THSD4: variants seen among roughly 807,000 people sequenced by gnomAD.
THSD4 encodes the protein thrombospondin type-1 domain-containing protein 4.
A neutral mutation model predicts 119.0 loss-of-function variants in THSD4; 69 were observed. The ratio of observed to expected loss-of-function variants is 0.58; its 90% CI spans 0.48 to 0.71. THSD4 has a LOEUF of 0.71. Among genes scored for constraint, THSD4 ranks in the 30% least tolerant of loss-of-function variants. The pLI, the probability that THSD4 is intolerant of heterozygous loss-of-function variation, is 0.00. For missense variants in THSD4, 1,393 were observed against 1,391.1 expected (o/e 1.00, Z -0.02); for synonymous variants, 524 against 540.4 (o/e 0.97, Z 0.42).
intron 7 of THSD4, among the ~76,000 whole-genome samples, chr15:71,490,349 A>T (rs2047896218): frequency 6.6e-6 from 1 of 152,120 alleles, no homozygotes; most frequent in African/African-American, 2.4e-5. Flanking sequence ...TCACAAGGTC[A>T]GGAGATCGAG....
intron 10 of THSD4, among the ~76,000 whole-genome samples, chr15:71,736,504 GCT>G (rs1032929175): frequency 7.2e-6 from 1 of 138,174 alleles, no homozygotes; most frequent in East Asian, 2.3e-4. Flanking sequence ...TCTCTGTCTT[GCT>G]CTCTCTATCT....
chr15:71,189,413 GT>G (rs773790845), intron 3 of THSD4, among the ~76,000 whole-genome samples: 5 of 152,222 alleles, frequency 3.3e-5, no homozygotes, highest in Non-Finnish European at 7.3e-5. Context: ...GCTCACGCCT[GT>G]AATCCCAGCA....
At chr15:71,429,943 A>G (rs920553) in intron 7 of THSD4, among the ~76,000 whole-genome samples, 38,185 of 152,158 alleles carry the variant, frequency 0.25, 5,747 homozygotes, top group East Asian at 0.44. Context: ...TTATGGAAAC[A>G]GATGAAAAAC....
At chr15:71,097,180 A>G (rs1345319744) in intron 1 of THSD4, among the ~76,000 whole-genome samples, 1 of 152,244 alleles carries the variant, frequency 6.6e-6, no homozygotes, top group African/African-American at 2.4e-5. Context: ...GGGAAAAGTT[A>G]TTGAAACTAT....
At chr15:71,247,927 A>G (rs1046063577) in intron 5 of THSD4, among the ~76,000 whole-genome samples, 6 of 152,214 alleles carry the variant, frequency 3.9e-5, no homozygotes, top group African/African-American at 1.4e-4. Context: ...TCAAACCTCA[A>G]TTCCTCTGGT....
intron 4 of THSD4, among the ~76,000 whole-genome samples, chr15:71,239,298 A>G (rs2140271583): frequency 6.6e-6 from 1 of 152,296 alleles, no homozygotes; most frequent in African/African-American, 2.4e-5. Context: ...TCAGGTTCCT[A>G]CCAGCACTTC....
intron 6 of THSD4, among the ~76,000 whole-genome samples, chr15:71,336,438 A>G: frequency 6.6e-6 from 1 of 152,268 alleles, no homozygotes; most frequent in East Asian, 1.9e-4. Context: ...TTTATACTTT[A>G]TCATTTTAAC....
At chr15:71,203,273 G>A (rs1259927250) in intron 3 of THSD4, among the ~76,000 whole-genome samples, 1 of 152,116 alleles carries the variant, frequency 6.6e-6, no homozygotes, top group Non-Finnish European at 1.5e-5. Context: ...ATGGCAAAGA[G>A]TAATTTTGGA....
intron 7 of THSD4, chr15:71,547,289 G>C: frequency 1.3e-6 from 2 of 1,491,704 alleles, no homozygotes; most frequent in South Asian, 1.4e-5. Context: ...AGAGCCGAGG[G>C]AACCAGCGCG....
At chr15:71,258,938 C>T (rs1002427771) in intron 6 of THSD4, among the ~76,000 whole-genome samples, 1 of 151,738 alleles carries the variant, frequency 6.6e-6, no homozygotes, top group Admixed American at 6.6e-5. Context: ...ACATGGAGAA[C>T]CCCGTCTCTG....
At chr15:71,704,899 C>A (rs912803910) in intron 8 of THSD4, among the ~76,000 whole-genome samples, 7 of 152,164 alleles carry the variant, frequency 4.6e-5, no homozygotes, top group African/African-American at 1.7e-4. Context: ...CATAGTGATA[C>A]CATCTTCACG....
In THSD4 at chr15:71,712,646, A is replaced by G. The variant is rs1435191916; in HGVS notation, c.1358-15903A>G. 2.6e-5 allele frequency among the ~76,000 whole-genome samples: 4 copies of G among 152,248 alleles called. No individual in the cohort carries two copies. The South Asian group carries it at 8.3e-4, about 31-fold the overall frequency. The stretch of plus-strand genomic sequence containing the variant: ...TTCTTTGAAAATATCAATACAATTG[A>G]TAAGCCTCTATTCACAGCCCTTTAC... On this transcript the variant is annotated intron_variant, in intron 8 of 17. Coordinates refer to ENST00000261862, the MANE Select transcript of THSD4 (RefSeq NM_024817.3).
At chr15:71,352,243 C>T (rs1281195270) in intron 6 of THSD4, among the ~76,000 whole-genome samples, 1 of 152,194 alleles carries the variant, frequency 6.6e-6, no homozygotes, top group Non-Finnish European at 1.5e-5. Flanking sequence ...AGGACCGTCA[C>T]TTCTGGTGTC....
chr15:71,289,743 T>TG (rs2044766296), intron 6 of THSD4, among the ~76,000 whole-genome samples: 1 of 152,214 alleles, frequency 6.6e-6, no homozygotes, highest in African/African-American at 2.4e-5. Flanking sequence ...TAGCCTCACC[T>TG]GATGCCTTCT....
chr15:71,134,510 A>T lies in THSD4; in HGVS notation c.-79-6939A>T, dbSNP rs187120052. Among the ~76,000 whole-genome samples the T allele has an allele frequency of 2.0e-5, 3 of 152,112 alleles. No homozygotes were observed. In the East Asian group the frequency reaches 5.8e-4, roughly 29 times the overall value. ...TCACATGGAGGCCCTGCTTTCTAAG[A>T]GGGAAAAGTCTGTAAGAAACTCGTG... On this transcript the variant is annotated intron_variant, in intron 1 of 17. Transcript: ENST00000261862.
intron 8 of THSD4, among the ~76,000 whole-genome samples, chr15:71,723,330 T>A (rs914353529): frequency 1.3e-5 from 2 of 152,214 alleles, no homozygotes; most frequent in African/African-American, 4.8e-5. Context: ...TTAAATTTTT[T>A]AAAATGTTTG....
chr15:71,649,583 T>G (rs2051042618), intron 7 of THSD4, among the ~76,000 whole-genome samples: 1 of 152,198 alleles, frequency 6.6e-6, no homozygotes, highest in Admixed American at 6.5e-5. Flanking sequence ...CCTGATAGCT[T>G]CTTTTGCTAT....
intron 6 of THSD4, among the ~76,000 whole-genome samples, chr15:71,284,198 G>A (rs1464816578): frequency 6.6e-6 from 1 of 152,130 alleles, no homozygotes; most frequent in Non-Finnish European, 1.5e-5. Flanking sequence ...AGTAGTGTAT[G>A]CCTGTTTGTC....
intron 1 of THSD4, among the ~76,000 whole-genome samples, chr15:71,130,987 G>A (rs993804216): frequency 5.9e-5 from 9 of 151,730 alleles, no homozygotes; most frequent in African/African-American, 1.7e-4. Context: ...CTCGTGATCC[G>A]CCTGCCTTGG....
Sources: allele counts gnomAD v4.1 joint callset (sites outside exome capture counted in the v4.1 genomes callset), GRCh38; gene constraint gnomAD v4.1.1; transcripts MANE v1.5; gene names NCBI Gene and HGNC (gene_info 2026-07-23, HGNC 2026-07-21).